Variants in IFI44L observed in about 807,000 individuals in gnomAD.
The protein encoded by IFI44L is interferon induced protein 44 like.
Under a neutral mutation model 39.3 loss-of-function variants are expected in IFI44L, and 40 were observed. The observed-to-expected ratio is 1.02, with a 90% CI of 0.79 to 1.33. The LOEUF (loss-of-function observed/expected upper bound fraction) is 1.33, where lower values mean the gene tolerates loss of function less well. Among genes scored for constraint, IFI44L ranks in the 40% most tolerant of loss-of-function variants. IFI44L has a pLI of 0.00. For synonymous variants in IFI44L, 198 were observed against 182.3 expected, an observed-to-expected ratio of 1.09 and a Z score of -0.69; for missense variants, 623 against 549.0, an observed-to-expected ratio of 1.13 and a Z score of -1.35.
Position 78,643,891 on chromosome 1 carries a change from T to G in IFI44L, c.*2082T>G, listed in dbSNP as rs1417639375. The G allele has an allele frequency of 1.3e-5, 2 of 152,164 alleles. No homozygotes were observed. The highest frequency in any genetic ancestry group is 4.8e-5 in the African/African-American group (2 of 41,434). 9.4% of individuals were successfully genotyped at this position (152,164 alleles called of 1,614,324 possible). A position where few individuals can be genotyped will look rare whatever the true frequency, so the allele number is the denominator to read the frequency against. On this transcript the variant is annotated 3_prime_UTR_variant, in exon 9 of 9. Coordinates refer to ENST00000370751, the MANE Select transcript of IFI44L (RefSeq NM_006820.4). Reference sequence around the variant, plus strand: ...CTATAAGGAAAGGAGCTAACAGTCATGCTGTAAGTAGCTACAGGGAATTGG... The same window carrying G: ...CTATAAGGAAAGGAGCTAACAGTCAGGCTGTAAGTAGCTACAGGGAATTGG...
At chr1:78,641,681 T>G in intron 8 of IFI44L, 72 bp downstream of exon 8, 1 of 1,606,838 alleles carries the variant, frequency 6.2e-7, no homozygotes, top group Non-Finnish European at 8.5e-7. Context: ...TATACATCAG[T>G]TATTAGATGA....
In IFI44L at chr1:78,629,704, C is replaced by T. The variant is rs1209706191; in HGVS notation, c.528-16C>T. 1 of 1,589,380 alleles carries T rather than the reference C, an allele frequency of 6.3e-7. No homozygotes were observed. Among genetic ancestry groups the T allele is most frequent in the Admixed American group, 1.7e-5 (1 of 57,966 alleles). On this transcript the variant is annotated splice_polypyrimidine_tract_variant and intron_variant, in intron 3 of 8. Coordinates refer to ENST00000370751, the MANE Select transcript of IFI44L (RefSeq NM_006820.4). The stretch of plus-strand genomic sequence containing the variant: ...TGGCTGTTCTGATGCTGTATTTAAC[C>T]ACTATATTTTAACAGGCACAGAAAT...
intron 5 of IFI44L, chr1:78,636,732 G>T: frequency 3.6e-6 from 1 of 279,056 alleles, no homozygotes; most frequent in Non-Finnish European, 6.6e-6. Flanking sequence ...TTTATTTCTG[G>T]ATACTAGGAT....
chr1:78,629,481 G>T (rs1352762651), intron 3 of IFI44L, among the ~76,000 whole-genome samples: 1 of 152,076 alleles, frequency 6.6e-6, no homozygotes, highest in Non-Finnish European at 1.5e-5. Context: ...TGGTTTGGTT[G>T]CAGGTTAATA....
chr1:78,643,578 A>G lies in IFI44L; in HGVS notation c.*1769A>G, dbSNP rs969935460. 2.6e-5 allele frequency: 4 copies of G among 151,510 alleles called. No homozygotes were observed. The highest frequency in any genetic ancestry group is 5.9e-5 in the Non-Finnish European group (4 of 67,898). 9.4% of individuals were successfully genotyped at this position (151,510 alleles called of 1,614,324 possible). A position where few individuals can be genotyped will look rare whatever the true frequency, so the allele number is the denominator to read the frequency against. On this transcript the variant is annotated 3_prime_UTR_variant, in exon 9 of 9. Coordinates refer to ENST00000370751, the MANE Select transcript of IFI44L (RefSeq NM_006820.4). ...TGGAGCTGCTGATTTGTTGGGGTAT[A>G]GGGAATGAAATGAAACATACAGAGA... is the stretch of plus-strand genomic sequence containing the variant.
chr1:78,628,928 T>C (rs748691376), intron 2 of IFI44L, 23 bp from the exon 3 acceptor site: 2 of 1,434,556 alleles, frequency 1.4e-6, no homozygotes, highest in Non-Finnish European at 1.9e-6. Flanking sequence ...AAAAATGTAT[T>C]ATGCTATGTT....
At chr1:78,633,884 A>C (rs568634241) in intron 4 of IFI44L, among the ~76,000 whole-genome samples, 46 of 152,306 alleles carry the variant, frequency 3.0e-4, no homozygotes, top group Admixed American at 2.0e-4. Flanking sequence ...AAAGGTTGTA[A>C]TAATTATAAA....
rs1201296499 is a variant in IFI44L at position 78,645,842 on chromosome 1, G to A, written c.*4033G>A. On this transcript the variant is annotated 3_prime_UTR_variant, in exon 9 of 9. Coordinates refer to ENST00000370751, the MANE Select transcript of IFI44L (RefSeq NM_006820.4). ...CTGATGTTGGAGAAAATGGGCCAGTGAGATCATGGATATAGAAGTACAGTC... is the reference window on the plus strand; with the variant it reads ...CTGATGTTGGAGAAAATGGGCCAGTAAGATCATGGATATAGAAGTACAGTC... 6.6e-6 allele frequency: 1 copy of A among 152,158 alleles called. No homozygotes were observed. Among genetic ancestry groups the A allele is most frequent in the African/African-American group, 2.4e-5 (1 of 41,440 alleles). The allele number at this position is 152,158 out of a possible 1,614,324, so 9.4% of individuals were successfully genotyped here. A position where few individuals can be genotyped will look rare whatever the true frequency, so the allele number is the denominator to read the frequency against.
In IFI44L at chr1:78,643,762, A is replaced by G. The variant is rs1326624373; in HGVS notation, c.*1953A>G. The G allele has an allele frequency of 1.3e-5, 2 of 151,290 alleles. No homozygotes were observed. Among genetic ancestry groups the G allele is most frequent in the African/African-American group, 4.9e-5 (2 of 41,096 alleles). The allele number at this position is 151,290 out of a possible 1,614,324, so 9.4% of individuals were successfully genotyped here. A position where few individuals can be genotyped will look rare whatever the true frequency, so the allele number is the denominator to read the frequency against. On this transcript the variant is annotated 3_prime_UTR_variant, in exon 9 of 9. Transcript: ENST00000370751. ...CCAAGATCTGGAAAACTTTTTAGAT[A>G]GAAACTTGATGTTTCTTAACGTTAC...
intron 4 of IFI44L, 60 bp from the exon 5 acceptor site, chr1:78,635,277 G>A (rs1425866926): frequency 7.6e-7 from 1 of 1,321,080 alleles, no homozygotes; most frequent in Admixed American, 2.0e-5. Context: ...TCTTCTTATT[G>A]TCATGTCTTG....
chr1:78,641,868 GTC>G lies in IFI44L; in HGVS notation c.*60_*61del. 1.3e-6 allele frequency: 2 copies of G among 1,551,016 alleles called. No homozygotes were observed. Among genetic ancestry groups the G allele is most frequent in the African/African-American group, 2.7e-5 (2 of 73,532 alleles). On this transcript the variant is annotated 3_prime_UTR_variant, in exon 9 of 9. Coordinates refer to ENST00000370751, the MANE Select transcript of IFI44L (RefSeq NM_006820.4). Reference sequence around the variant, plus strand: ...CCTGTACTGGTGTGCCGCAATGAGAGTCAATCTCTATTGACAGCCTGCTTCAG... The same window carrying G: ...CCTGTACTGGTGTGCCGCAATGAGAGAATCTCTATTGACAGCCTGCTTCAG...
At position 78,624,664 on chromosome 1, in the gene IFI44L, T is replaced by G. The variant is rs560863036; in HGVS notation, c.-10-3242T>G. Reference sequence around the variant, plus strand: ...TTTGGATATTTTATAATGGATAAAGTATTGAAAGTGGGCTATCAAAATCTC... The same window carrying G: ...TTTGGATATTTTATAATGGATAAAGGATTGAAAGTGGGCTATCAAAATCTC... On this transcript the variant is annotated intron_variant, in intron 1 of 8. Transcript: ENST00000370751. 7.9e-4 allele frequency among the ~76,000 whole-genome samples: 120 copies of G among 152,320 alleles called. 2 individuals are homozygous for G. In the South Asian group the frequency reaches 0.024, roughly 31 times the overall value.
At chr1:78,630,076 A>G (rs768410949) in intron 4 of IFI44L, 161 bp downstream of exon 4, 1 of 669,486 alleles carries the variant, frequency 1.5e-6, no homozygotes, top group South Asian at 1.8e-5. Context: ...ATTGTGCTAT[A>G]TTATACAGAG....
At chr1:78,625,815 T>C (rs1428166474) in intron 1 of IFI44L, 1 of 152,020 alleles carries the variant, frequency 6.6e-6, no homozygotes, top group Non-Finnish European at 1.5e-5. Context: ...ATCTTCATTG[T>C]ATAAGTTTTA....
chr1:78,637,801 C>A (rs1231427264), intron 6 of IFI44L, among the ~76,000 whole-genome samples: 5 of 151,978 alleles, frequency 3.3e-5, no homozygotes, highest in Admixed American at 2.6e-4. Flanking sequence ...ATTTATTGTT[C>A]ATTTAAAAAA....
chr1:78,637,734 C>G (rs540955759), intron 6 of IFI44L, among the ~76,000 whole-genome samples: 1 of 152,060 alleles, frequency 6.6e-6, no homozygotes, highest in Non-Finnish European at 1.5e-5. Flanking sequence ...CCTTTTGAGA[C>G]TGGCTTTTTT....
intron 4 of IFI44L, among the ~76,000 whole-genome samples, chr1:78,633,057 A>G (rs1652812004): frequency 6.6e-6 from 1 of 152,200 alleles, no homozygotes; most frequent in African/African-American, 2.4e-5. Flanking sequence ...CACCTCAGTA[A>G]ACCAGGTGAA....
chr1:78,637,629 C>T (rs1652999834), intron 6 of IFI44L, among the ~76,000 whole-genome samples: 1 of 152,144 alleles, frequency 6.6e-6, no homozygotes, highest in African/African-American at 2.4e-5. Context: ...TATTCCTCCA[C>T]CATCCTTAAC....
chr1:78,641,037 C>T lies in IFI44L; in HGVS notation c.1065C>T (p.Ala355=). Residue 355 remains alanine, a synonymous_variant, in exon 7 of 9, where the codon GCC becomes GCT. Transcript: ENST00000370751. ...EVLNCGIAYV[A]LLTKVDDCSE... Reference sequence around the variant, plus strand: ...TTGATATAGGTATAGCATATGTGGCCTTGCTTACTAAAGTGGATGATTGCA... The same window carrying T: ...TTGATATAGGTATAGCATATGTGGCTTTGCTTACTAAAGTGGATGATTGCA... 8.7e-6 allele frequency: 14 copies of T among 1,610,968 alleles called. No individual in the cohort carries two copies. The highest frequency in any genetic ancestry group is 1.1e-5 in the Non-Finnish European group (13 of 1,177,618).
Sources: allele counts gnomAD v4.1 joint callset (sites outside exome capture counted in the v4.1 genomes callset), GRCh38; gene constraint gnomAD v4.1.1; transcripts MANE v1.5; gene names NCBI Gene and HGNC (gene_info 2026-07-23, HGNC 2026-07-21).